Variants in UNC5D observed in about 807,000 individuals in gnomAD.
UNC5D encodes the protein netrin receptor UNC5D.
Under a neutral mutation model 105.4 loss-of-function variants are expected in UNC5D, and 39 were observed. The observed-to-expected ratio is 0.37, with a 90% CI of 0.29 to 0.48. The LOEUF is 0.48. UNC5D is among the 20% of genes least tolerant of loss of function. The probability of loss-of-function intolerance (pLI) is 0.98; values close to 1 mark genes in which losing one functional copy is unlikely to be tolerated. For missense variants in UNC5D, 991 were observed against 1,202.4 expected (o/e 0.82, Z 2.60); for synonymous variants, 452 against 450.4 (o/e 1.00, Z -0.04).
intron 1 of UNC5D, among the ~76,000 whole-genome samples, chr8:35,274,163 T>G (rs1196473641): frequency 2.6e-5 from 4 of 152,084 alleles, no homozygotes; most frequent in African/African-American, 9.7e-5. Context: ...ATTTAGAGAG[T>G]AAAATCTTTT....
chr8:35,736,353 A>G (rs1378064957), intron 11 of UNC5D, among the ~76,000 whole-genome samples: 2 of 152,238 alleles, frequency 1.3e-5, no homozygotes, highest in African/African-American at 4.8e-5. Flanking sequence ...CCTGGGCTAT[A>G]CAGCGAGACC....
intron 1 of UNC5D, among the ~76,000 whole-genome samples, chr8:35,535,081 A>G (rs2130583927): frequency 6.6e-6 from 1 of 152,242 alleles, no homozygotes; most frequent in Non-Finnish European, 1.5e-5. Flanking sequence ...AATACAGGTC[A>G]TTACCCATCT....
intron 15 of UNC5D, among the ~76,000 whole-genome samples, chr8:35,771,303 A>G (rs1236669725): frequency 6.6e-6 from 1 of 152,182 alleles, no homozygotes; most frequent in Non-Finnish European, 1.5e-5. Context: ...GGGCTTTCAG[A>G]GGCCAATTCT....
rs1326156918 is a variant in UNC5D at position 35,722,216 on chromosome 8, A to C, written c.1124A>C (p.Glu375Ala). 1 of 1,613,154 alleles carries C rather than the reference A, an allele frequency of 6.2e-7. No homozygotes were observed. Among genetic ancestry groups the C allele is most frequent in the African/African-American group, 1.3e-5 (1 of 74,860 alleles). Reference sequence around the variant, plus strand: ...TTTCTCTTGTGTCTTTCAGGCATTGAGAATGCCAGCGACATTGCTTTGTAC... The same window carrying C: ...TTTCTCTTGTGTCTTTCAGGCATTGCGAATGCCAGCGACATTGCTTTGTAC... ...PLHEIKPQSI[E>A]NASDIALYSG... is the part of the protein sequence containing the mutation. Residue 375 changes from glutamate (E) to alanine (A), a missense_variant, in exon 9 of 17, where the codon GAG becomes GCG. By Grantham distance (107) the Glu-to-Ala change is moderately radical (BLOSUM62 -1). Coordinates refer to ENST00000404895, the MANE Select transcript of UNC5D (RefSeq NM_080872.4).
chr8:35,672,016 A>G (rs568721218), intron 4 of UNC5D, among the ~76,000 whole-genome samples: 12 of 152,184 alleles, frequency 7.9e-5, no homozygotes, highest in Non-Finnish European at 1.8e-4. Context: ...TTTGGATATC[A>G]TTACATTATT....
intron 1 of UNC5D, among the ~76,000 whole-genome samples, chr8:35,486,007 T>A (rs1450861608): frequency 6.6e-6 from 1 of 152,176 alleles, no homozygotes; most frequent in Non-Finnish European, 1.5e-5. Flanking sequence ...AGCTGACTAT[T>A]TCCTAATGCT....
At position 35,684,644 on chromosome 8, in the gene UNC5D, T is replaced by A. The variant is rs1008365068; in HGVS notation, c.814T>A (p.Trp272Arg). 1.2e-6 allele frequency: 2 copies of A among 1,613,924 alleles called. No individual in the cohort carries two copies. Among genetic ancestry groups the A allele is most frequent in the Admixed American group, 1.7e-5 (1 of 60,020 alleles). The change falls in exon 6 of 17, where the codon TGG becomes AGG. Residue 272 changes from tryptophan (W) to arginine (R), a missense_variant. Trp to Arg is a moderately radical substitution (Grantham distance 101). Transcript: ENST00000404895. ...SACNVRCGRGWQKRSRTCTNP... is the reference protein window; with the variant it reads ...SACNVRCGRGRQKRSRTCTNP... ...CTGCAATGTTCGCTGTGGTAGAGGA[T>A]GGCAGAAACGTTCCCGGACCTGCAC...
chr8:35,495,676 T>C (rs1372023095), intron 1 of UNC5D, among the ~76,000 whole-genome samples: 2 of 152,070 alleles, frequency 1.3e-5, no homozygotes, highest in South Asian at 2.1e-4. Flanking sequence ...TCTCAGAGAC[T>C]AGTTCTCAGT....
intron 3 of UNC5D, among the ~76,000 whole-genome samples, chr8:35,569,193 T>C (rs887202366): frequency 5.3e-5 from 8 of 152,146 alleles, no homozygotes; most frequent in Admixed American, 3.3e-4. Context: ...TACACAAACT[T>C]TTTTTCTCCT....
Position 35,796,237 on chromosome 8 carries a change from G to A in UNC5D, c.*5674G>A, listed in dbSNP as rs1405925414. The A allele has an allele frequency of 6.6e-6, 1 of 152,016 alleles. No homozygotes were observed. The highest frequency in any genetic ancestry group is 1.5e-5 in the Non-Finnish European group (1 of 68,004). The allele number at this position is 152,016 out of a possible 1,614,324, so 9.4% of individuals were successfully genotyped here. A position where few individuals can be genotyped will look rare whatever the true frequency, so the allele number is the denominator to read the frequency against. On this transcript the variant is annotated 3_prime_UTR_variant, in exon 17 of 17. Coordinates refer to ENST00000404895, the MANE Select transcript of UNC5D (RefSeq NM_080872.4). ...CTTCATACCACACTTTTTGTGCCTT[G>A]TATTATCAATGTAAATTCTGAATGT...
At chr8:35,632,109 C>G (rs996039664) in intron 4 of UNC5D, among the ~76,000 whole-genome samples, 5 of 152,188 alleles carry the variant, frequency 3.3e-5, no homozygotes, top group African/African-American at 1.2e-4. Flanking sequence ...ACAGAGCAAG[C>G]CTTCTTGCAC....
At chr8:35,626,183 G>T (rs1347597117) in intron 4 of UNC5D, among the ~76,000 whole-genome samples, 1 of 151,318 alleles carries the variant, frequency 6.6e-6, no homozygotes, top group Non-Finnish European at 1.5e-5. Context: ...TCTCCCTGGG[G>T]CCACTCAGAC....
chr8:35,493,227 A>T lies in UNC5D; in HGVS notation c.104-56065A>T, dbSNP rs150457103. On this transcript the variant is annotated intron_variant, in intron 1 of 16. Coordinates refer to ENST00000404895, the MANE Select transcript of UNC5D (RefSeq NM_080872.4). ...CCAACAACAATTTAAATTTGTTCTTATTCATACTTTAATTTCACTAACAAT... is the reference window on the plus strand; with the variant it reads ...CCAACAACAATTTAAATTTGTTCTTTTTCATACTTTAATTTCACTAACAAT... 3.6e-3 allele frequency among the ~76,000 whole-genome samples: 508 copies of T among 140,702 alleles called. 7 individuals are homozygous for T. Among genetic ancestry groups the T allele is most frequent in the African/African-American group, 0.013 (483 of 37,884 alleles). 92.3% of individuals were successfully genotyped at this position (140,702 alleles called of 152,430 possible). A position where few individuals can be genotyped will look rare whatever the true frequency, so the allele number is the denominator to read the frequency against.
chr8:35,790,813 T>G lies in UNC5D; in HGVS notation c.*250T>G. 3.7e-6 allele frequency: 2 copies of G among 534,262 alleles called. No homozygotes were observed. Among genetic ancestry groups the G allele is most frequent in the East Asian group, 6.4e-5 (2 of 31,190 alleles). 33.1% of individuals were successfully genotyped at this position (534,262 alleles called of 1,614,324 possible). A position where few individuals can be genotyped will look rare whatever the true frequency, so the allele number is the denominator to read the frequency against. Reference sequence around the variant, plus strand: ...CCACATTTGGGTTAACTCCTCAGATTTGGAGTGGCAAGGATAAAAGTGAGG... The same window carrying G: ...CCACATTTGGGTTAACTCCTCAGATGTGGAGTGGCAAGGATAAAAGTGAGG... On this transcript the variant is annotated 3_prime_UTR_variant, in exon 17 of 17. Coordinates refer to ENST00000404895, the MANE Select transcript of UNC5D (RefSeq NM_080872.4).
intron 1 of UNC5D, among the ~76,000 whole-genome samples, chr8:35,344,395 T>C (rs972371742): frequency 6.6e-6 from 1 of 152,064 alleles, no homozygotes; most frequent in African/African-American, 2.4e-5. Context: ...TCTATATCTT[T>C]ATTTCATGTT....
intron 1 of UNC5D, among the ~76,000 whole-genome samples, chr8:35,361,420 T>C (rs753474360): frequency 6.6e-6 from 1 of 152,126 alleles, no homozygotes; most frequent in African/African-American, 2.4e-5. Flanking sequence ...GTTAAGACTG[T>C]GTAACCTCCA....
rs62505484 is a variant in UNC5D, at chr8:35,347,270, T to C, written c.103+111383T>C. ...TCCATGAGCCAATAATCTACCCAAG[T>C]GGTCAGTGGGCTTTGTAGGGTGTGT... is the stretch of plus-strand genomic sequence containing the variant. On this transcript the variant is annotated intron_variant, in intron 1 of 16. Coordinates refer to ENST00000404895, the MANE Select transcript of UNC5D (RefSeq NM_080872.4). Among the ~76,000 whole-genome samples, 623 of 152,076 alleles carry C rather than the reference T, an allele frequency of 4.1e-3. 2 individuals are homozygous for C. Among genetic ancestry groups the C allele is most frequent in the Middle Eastern group, 0.01 (3 of 294 alleles).
chr8:35,444,828 G>C (rs1378709851), intron 1 of UNC5D, among the ~76,000 whole-genome samples: 2 of 151,934 alleles, frequency 1.3e-5, no homozygotes, highest in African/African-American at 2.4e-5. Context: ...AATTATCCTT[G>C]TCAATAAAGG....
intron 11 of UNC5D, among the ~76,000 whole-genome samples, chr8:35,734,335 CAAAAAAAAAAAA>C (rs10657691): frequency 5.3e-4 from 15 of 28,288 alleles, no homozygotes; most frequent in Non-Finnish European, 9.7e-4. Flanking sequence ...TAATCACTGT[CAAAAAAAAAAAA>C]AAAAAAAAAA....
Sources: allele counts gnomAD v4.1 joint callset (sites outside exome capture counted in the v4.1 genomes callset), GRCh38; gene constraint gnomAD v4.1.1; transcripts MANE v1.5; gene names NCBI Gene and HGNC (gene_info 2026-07-23, HGNC 2026-07-21).